The following SUPT7L variants were observed in gnomAD, a reference collection of about 807,000 sequenced individuals.
SUPT7L encodes SPT7 like, STAGA complex subunit gamma.
Under a neutral mutation model 35.7 loss-of-function variants are expected in SUPT7L, and 15 were observed. The observed-to-expected ratio is 0.42, with a 90% CI of 0.28 to 0.65. The LOEUF is 0.65. Ranked by LOEUF, SUPT7L falls within the 30% of genes least tolerant of loss-of-function variation. The pLI is 0.23. For synonymous variants in SUPT7L, 168 were observed against 186.2 expected (o/e 0.90, Z 0.79); for missense variants, 434 against 522.2 (o/e 0.83, Z 1.65).
Position 27,651,403 on chromosome 2 carries a change from T to TA in SUPT7L, c.*2081dup, listed in dbSNP as rs1322392560. The TA allele has an allele frequency of 1.3e-5, 2 of 152,368 alleles. No individual in the cohort carries two copies. The highest frequency in any genetic ancestry group is 2.4e-5 in the African/African-American group (1 of 41,464). The allele number at this position is 152,368 out of a possible 1,614,324, so 9.4% of individuals were successfully genotyped here. A position where few individuals can be genotyped will look rare whatever the true frequency, so the allele number is the denominator to read the frequency against. On this transcript the variant is annotated 3_prime_UTR_variant, in exon 6 of 6. Coordinates refer to ENST00000337768, the MANE Select transcript of SUPT7L (RefSeq NM_014860.3). ...ATTCCAGACCAGGTGAATCTCAAGA[T>TA]ACTAATCCTCACATCATTTGCCTTC...
downstream of SUPT7L, among the ~76,000 whole-genome samples, chr2:27,646,250 C>G (rs1674224327): frequency 6.6e-6 from 1 of 152,174 alleles, no homozygotes; most frequent in Non-Finnish European, 1.5e-5. Flanking sequence ...CCATGTTGGC[C>G]AGGCTGGTCT....
chr2:27,662,095 A>G, intron 2 of SUPT7L, 84 bp downstream of exon 2: 1 of 1,594,734 alleles, frequency 6.3e-7, no homozygotes. Flanking sequence ...AACTTAAATC[A>G]AATGGCTTCC....
In SUPT7L at chr2:27,653,352, C is replaced by T; in HGVS notation, c.*133G>A. ...CAACCTTGTTTGGTGACGTCCAGTT[C>T]CTCTGGAATTAGGAAAAACCACTTG... On this transcript the variant is annotated 3_prime_UTR_variant, in exon 6 of 6. Transcript: ENST00000337768. 1 of 1,310,192 alleles carries T rather than the reference C, an allele frequency of 7.6e-7. No individual in the cohort carries two copies. Among genetic ancestry groups the T allele is most frequent in the South Asian group, 1.5e-5 (1 of 67,946 alleles). 81.2% of individuals were successfully genotyped at this position (1,310,192 alleles called of 1,614,324 possible).
chr2:27,662,197 CAT>C lies in SUPT7L; in HGVS notation c.-7_-6del, dbSNP rs1480180378. The stretch of plus-strand genomic sequence containing the variant: ...AACTCACCTTTGCAGATTCATTGTC[CAT>C]ATGTCTCTTCAAGTTCAACAAACAT... On this transcript the variant is annotated 5_prime_UTR_variant, in exon 2 of 6. The change creates a new upstream start codon in the 5' untranslated region. Transcript: ENST00000337768. 5 of 1,613,964 alleles carry C rather than the reference CAT, an allele frequency of 3.1e-6. No individual in the cohort carries two copies. The African/African-American group carries it at 5.3e-5, about 17-fold the overall frequency.
At chr2:27,647,628 T>G (rs368703236), downstream of SUPT7L, among the ~76,000 whole-genome samples, 1 of 152,252 alleles carries the variant, frequency 6.6e-6, no homozygotes, top group East Asian at 1.9e-4. Flanking sequence ...ATGGGACTCC[T>G]AGGGCTATTT....
chr2:27,656,068 T>C (rs1472746695), intron 4 of SUPT7L, among the ~76,000 whole-genome samples: 2 of 151,056 alleles, frequency 1.3e-5, no homozygotes, highest in African/African-American at 4.9e-5. Context: ...ATCTGTGGTC[T>C]CAGCTACTTG....
At chr2:27,644,511 A>C in the SUPT7L span, among the ~76,000 whole-genome samples, 1 of 152,052 alleles carries the variant, frequency 6.6e-6, no homozygotes, top group Non-Finnish European at 1.5e-5. Context: ...GGAAGCCTCT[A>C]TATATACCTA....
chr2:27,649,929 C>A (rs1674444816), downstream of SUPT7L, among the ~76,000 whole-genome samples: 1 of 152,138 alleles, frequency 6.6e-6, no homozygotes, highest in African/African-American at 2.4e-5. Context: ...ATTCTTTCTA[C>A]TTATAAAGAA....
At chr2:27,650,166 C>T, downstream of SUPT7L, 15 of 1,603,674 alleles carry the variant, frequency 9.4e-6, no homozygotes, top group South Asian at 2.2e-5. Flanking sequence ...ATGCAAGAAT[C>T]GATGGCACAA....
At chr2:27,658,286 T>C (rs185467647) in intron 3 of SUPT7L, among the ~76,000 whole-genome samples, 11 of 152,314 alleles carry the variant, frequency 7.2e-5, no homozygotes, top group Admixed American at 4.6e-4. Context: ...ATTATTATTA[T>C]TTCTATTTGC....
downstream of SUPT7L, among the ~76,000 whole-genome samples, chr2:27,649,445 A>AAT (rs35605899): frequency 1.3e-5 from 2 of 151,906 alleles, no homozygotes; most frequent in South Asian, 2.1e-4. Context: ...AGCTTTAATA[A>AAT]ATATATACTT....
At position 27,657,426 on chromosome 2, in the gene SUPT7L, A is replaced by G; in HGVS notation, c.663T>C (p.His221=). The G allele has an allele frequency of 9.9e-6, 16 of 1,614,238 alleles. No individual in the cohort carries two copies. The highest frequency in any genetic ancestry group is 1.4e-5 in the Non-Finnish European group (16 of 1,180,036). ...PFPDVMEQVF[H]EVGIGSVLSL... ...AGAGCACACTGCCAATACCCACTTC[A>G]TGGAATACCTGCTCCATCACATCAG... The change falls in exon 4 of 6, where the codon CAT becomes CAC. Residue 221 remains histidine, a synonymous_variant. Coordinates refer to ENST00000337768, the MANE Select transcript of SUPT7L (RefSeq NM_014860.3). This position sits in a 1 kb window ranked among gnomAD's most constrained non-coding sequence, Gnocchi z 5.2.
intron 4 of SUPT7L, among the ~76,000 whole-genome samples, chr2:27,655,981 C>T (rs1674789130): frequency 1.3e-5 from 2 of 150,950 alleles, no homozygotes. Context: ...GCCTCGGAGT[C>T]TGAGACCAGC....
rs1377660202 is a variant in SUPT7L at position 27,653,633 on chromosome 2, T to C, written c.1097A>G (p.Glu366Gly). Residue 366 changes from glutamate (E) to glycine (G), a missense_variant, in exon 6 of 6, where the codon GAG becomes GGG. By Grantham distance (98) the Glu-to-Gly change is moderately conservative. This residue lies in a region of SUPT7L where 159 missense variants were observed against 217.1 expected (regional missense o/e 0.73). Coordinates refer to ENST00000337768, the MANE Select transcript of SUPT7L (RefSeq NM_014860.3). ...TTCACTCATGCCTGACATAGGCTCC[T>C]CGAAGACATCACTGCCCAGCACACC... ...GHGVLGSDVF[E>G]EPMSGMSEAG... is the part of the protein sequence containing the mutation. 6.2e-7 allele frequency: 1 copy of C among 1,614,232 alleles called. No homozygotes were observed. Among genetic ancestry groups the C allele is most frequent in the South Asian group, 1.1e-5 (1 of 91,090 alleles).
downstream of SUPT7L, among the ~76,000 whole-genome samples, chr2:27,646,140 C>T (rs558693555): frequency 4.9e-4 from 74 of 152,338 alleles, no homozygotes; most frequent in African/African-American, 1.7e-3. Flanking sequence ...CTCCCGGGTT[C>T]AAGCGATTGT....
chr2:27,645,785 AGTGGT>A, the SUPT7L span, among the ~76,000 whole-genome samples: 1 of 151,840 alleles, frequency 6.6e-6, no homozygotes, highest in Non-Finnish European at 1.5e-5. Flanking sequence ...ACTGGAGTGC[AGTGGT>A]GTGATCTTGG....
At chr2:27,661,648 A>C in intron 2 of SUPT7L, 2 of 1,330,596 alleles carry the variant, frequency 1.5e-6, no homozygotes, top group Middle Eastern at 2.9e-4. Context: ...GGTTATTGTC[A>C]TACTATGACA....
In SUPT7L at chr2:27,662,217, A is replaced by G. The variant is rs1256944267; in HGVS notation, c.-25T>C. 6.2e-7 allele frequency: 1 copy of G among 1,613,578 alleles called. No individual in the cohort carries two copies. Among genetic ancestry groups the G allele is most frequent in the African/African-American group, 1.3e-5 (1 of 74,932 alleles). The stretch of plus-strand genomic sequence containing the variant: ...TTGTCCATATGTCTCTTCAAGTTCA[A>G]CAAACATTTATCAAATGCCAGGCAT... On this transcript the variant is annotated 5_prime_UTR_variant, in exon 2 of 6. Transcript: ENST00000337768.
chr2:27,655,733 G>A, intron 4 of SUPT7L, 131 bp from the exon 5 acceptor site: 1 of 808,928 alleles, frequency 1.2e-6, no homozygotes, highest in Non-Finnish European at 1.9e-6. Flanking sequence ...GCCAATGGGA[G>A]GGATTTGTTT....
Sources: allele counts gnomAD v4.1 joint callset (sites outside exome capture counted in the v4.1 genomes callset), GRCh38; gene constraint gnomAD v4.1.1; regional missense constraint gnomAD v4.1.1; non-coding constraint Gnocchi (gnomAD v3.1); transcripts MANE v1.5; gene names NCBI Gene and HGNC (gene_info 2026-07-23, HGNC 2026-07-21).